The following TCTN3 variants were observed in gnomAD, a reference collection of about 807,000 sequenced individuals.
TCTN3 encodes the protein tectonic-3.
Under a neutral mutation model 71.3 loss-of-function variants are expected in TCTN3, and 57 were observed. The ratio of observed to expected loss-of-function variants is 0.80; its 90% CI spans 0.65 to 1.00. The LOEUF is 1.00. Ranked by LOEUF, TCTN3 falls within the 50% of genes least tolerant of loss-of-function variation. The pLI, the probability that TCTN3 is intolerant of heterozygous loss-of-function variation, is 0.00. For synonymous variants in TCTN3, 258 were observed against 267.8 expected, an observed-to-expected ratio of 0.96 and a Z score of 0.36; for missense variants, 696 against 719.9, an observed-to-expected ratio of 0.97 and a Z score of 0.38.
At chr10:95,681,366 G>A (rs1169808888) in intron 12 of TCTN3, among the ~76,000 whole-genome samples, 3 of 152,178 alleles carry the variant, frequency 2.0e-5, no homozygotes, top group Non-Finnish European at 4.4e-5. Flanking sequence ...GTAAGCCATG[G>A]CACCTGGCTT....
intron 8 of TCTN3, 140 bp downstream of exon 8, chr10:95,685,413 TACA>T (rs1162559058): frequency 8.9e-6 from 5 of 563,218 alleles, no homozygotes; most frequent in Non-Finnish European, 1.5e-5. Flanking sequence ...AATCTACCAA[TACA>T]ACAAGTTTGC....
In TCTN3 at chr10:95,687,024, G is replaced by A. The variant is rs1589617877; in HGVS notation, c.852+20C>T. On this transcript the variant is annotated intron_variant, in intron 6 of 13. Coordinates refer to ENST00000371217, the MANE Select transcript of TCTN3 (RefSeq NM_015631.6). Reference sequence around the variant, plus strand: ...TCAACTTCATAGTAGTGACAGTGTAGGGAGAGAAAGGACACCTACCTTTAA... The same window carrying A: ...TCAACTTCATAGTAGTGACAGTGTAAGGAGAGAAAGGACACCTACCTTTAA... 6.4e-7 allele frequency: 1 copy of A among 1,571,906 alleles called. No homozygotes were observed. Among genetic ancestry groups the A allele is most frequent in the Non-Finnish European group, 8.8e-7 (1 of 1,141,738 alleles).
intron 13 of TCTN3, among the ~76,000 whole-genome samples, chr10:95,665,993 T>C (rs893699326): frequency 3.1e-4 from 47 of 151,358 alleles, no homozygotes; most frequent in Admixed American, 9.9e-4. Context: ...CAGGCTGGAG[T>C]GCAGTGGCGT....
Position 95,663,724 on chromosome 10 carries a change from A to G in TCTN3, c.*343T>C. The G allele has an allele frequency of 9.2e-6, 2 of 218,098 alleles. No homozygotes were observed. Among genetic ancestry groups the G allele is most frequent in the South Asian group, 8.4e-5 (1 of 11,902 alleles). 13.5% of individuals were successfully genotyped at this position (218,098 alleles called of 1,614,324 possible). A position where few individuals can be genotyped will look rare whatever the true frequency, so the allele number is the denominator to read the frequency against. ...TGTTTCTCTCTTTCTGCTTGGCCCA[A>G]CTGTGCCTGAGGGCTGATGGATCCA... is the stretch of plus-strand genomic sequence containing the variant. On this transcript the variant is annotated 3_prime_UTR_variant, in exon 14 of 14. Transcript: ENST00000371217.
intron 6 of TCTN3, 83 bp downstream of exon 6, chr10:95,686,961 T>C: frequency 1.6e-6 from 2 of 1,238,582 alleles, no homozygotes; most frequent in Non-Finnish European, 2.3e-6. Flanking sequence ...TATTCAATGC[T>C]CTTTCCACAA....
chr10:95,672,685 CTT>C (rs766029244), intron 13 of TCTN3, among the ~76,000 whole-genome samples: 6 of 80,402 alleles, frequency 7.5e-5, no homozygotes, highest in Non-Finnish European at 9.6e-5. Context: ...CTGTTCAAAT[CTT>C]TTTTTTTTTT....
Position 95,693,906 on chromosome 10 carries a change from T to G in TCTN3, c.-7A>C, listed in dbSNP as rs934555741. Reference sequence around the variant, plus strand: ...CGAGCTGTGGGGTGCGCATGGGGCATTCAGGGCCTCCGGGTCCGACGTAGG... The same window carrying G: ...CGAGCTGTGGGGTGCGCATGGGGCAGTCAGGGCCTCCGGGTCCGACGTAGG... On this transcript the variant is annotated 5_prime_UTR_variant, in exon 1 of 14. The change abolishes an upstream ATG in the 5' untranslated region. Coordinates refer to ENST00000371217, the MANE Select transcript of TCTN3 (RefSeq NM_015631.6). 6.4e-7 allele frequency: 1 copy of G among 1,551,310 alleles called. No individual in the cohort carries two copies. Among genetic ancestry groups the G allele is most frequent in the African/African-American group, 1.4e-5 (1 of 73,016 alleles).
intron 13 of TCTN3, among the ~76,000 whole-genome samples, chr10:95,679,500 T>G (rs1248170347): frequency 6.6e-6 from 1 of 152,162 alleles, no homozygotes; most frequent in East Asian, 1.9e-4. Context: ...GGTAAGAATT[T>G]AAATCTGTTT....
At chr10:95,672,866 T>C (rs1236598996) in intron 13 of TCTN3, among the ~76,000 whole-genome samples, 3 of 151,874 alleles carry the variant, frequency 2.0e-5, no homozygotes, top group Admixed American at 2.0e-4. Flanking sequence ...CAAATTTTTG[T>C]GTTTTTAGTA....
intron 12 of TCTN3, among the ~76,000 whole-genome samples, chr10:95,681,625 T>C (rs1039111036): frequency 2.0e-5 from 3 of 152,206 alleles, no homozygotes; most frequent in Admixed American, 1.3e-4. Flanking sequence ...GGAGGATTAA[T>C]TGCAAAATGC....
In TCTN3 at chr10:95,693,783, C is replaced by A; in HGVS notation, c.117G>T (p.Gln39His). 6.4e-7 allele frequency: 1 copy of A among 1,551,718 alleles called. No homozygotes were observed. The highest frequency in any genetic ancestry group is 8.7e-7 in the Non-Finnish European group (1 of 1,147,004). The change falls in exon 1 of 14, where the codon CAG becomes CAT. Residue 39 changes from glutamine (Q) to histidine (H), a missense_variant. Physicochemically the swap from Gln to His is conservative, Grantham distance 24. Coordinates refer to ENST00000371217, the MANE Select transcript of TCTN3 (RefSeq NM_015631.6). ...SGAVPTSLEL[Q>H]RGTDGGTLQS... The stretch of plus-strand genomic sequence containing the variant: ...GGAGGGTTCCGCCATCCGTCCCTCG[C>A]TGCAGCTCCAAAGACGTGGGCACTG...
rs11595248 is a variant in TCTN3 at position 95,680,402 on chromosome 10, G to A, written c.1590+70C>T. On this transcript the variant is annotated intron_variant, in intron 13 of 13. Transcript: ENST00000371217. ...CTCTTGGAAGGTAAAAAATTATTTGGTTAACAAATGACTGATAAGACAATC... is the reference window on the plus strand; with the variant it reads ...CTCTTGGAAGGTAAAAAATTATTTGATTAACAAATGACTGATAAGACAATC... 176,648 of 1,502,856 alleles carry A rather than the reference G, an allele frequency of 0.12. 11,058 individuals are homozygous for A. The highest frequency in any genetic ancestry group is 0.17 in the Middle Eastern group (920 of 5,508). The allele number at this position is 1,502,856 out of a possible 1,614,324, so 93.1% of individuals were successfully genotyped here.
At chr10:95,693,582 C>G in intron 1 of TCTN3, 62 bp downstream of exon 1, 1 of 1,546,802 alleles carries the variant, frequency 6.5e-7, no homozygotes, top group African/African-American at 1.4e-5. Context: ...GGCAGCTCAA[C>G]TTTGCTCACA....
chr10:95,693,178 C>A (rs985410399), intron 2 of TCTN3, 140 bp from the exon 3 acceptor site: 64 of 1,232,286 alleles, frequency 5.2e-5, no homozygotes, highest in Non-Finnish European at 6.8e-5. Flanking sequence ...TCTTATTCTA[C>A]TGGCCAGCCC....
Position 95,684,586 on chromosome 10 carries a change from G to C in TCTN3, c.1008C>G (p.Ile336Met), listed in dbSNP as rs747888353. 1 of 1,613,994 alleles carries C rather than the reference G, an allele frequency of 6.2e-7. No homozygotes were observed. The highest frequency in any genetic ancestry group is 1.7e-5 in the Admixed American group (1 of 60,006). The change falls in exon 9 of 14, where the codon ATC becomes ATG. Residue 336 changes from isoleucine to methionine, a missense_variant. Physicochemically the swap from Ile to Met is conservative, Grantham distance 10. Coordinates refer to ENST00000371217, the MANE Select transcript of TCTN3 (RefSeq NM_015631.6). ...GTCCCAAACTGACAGAAACTTTCTGGATTCCAAAAGTCCCATTGGTCTCTA... is the reference window on the plus strand; with the variant it reads ...GTCCCAAACTGACAGAAACTTTCTGCATTCCAAAAGTCCCATTGGTCTCTA... ...YEIETNGTFG[I>M]QKVSVSLGQT...
At chr10:95,684,727 G>A in intron 8 of TCTN3, 103 bp from the exon 9 acceptor site, 2 of 1,274,594 alleles carry the variant, frequency 1.6e-6, no homozygotes, top group Non-Finnish European at 2.1e-6. Flanking sequence ...AACTAAATGA[G>A]GCAGACTGAA....
rs1254012662 is a variant in TCTN3, at chr10:95,685,654, C to G, written c.889-18G>C. ...ACCTGGAACTAGCAACGAAAAGAAG[C>G]AAATTAACTAAAACTGAAGGCGGTA... On this transcript the variant is annotated intron_variant, in intron 7 of 13. Transcript: ENST00000371217. 22 of 1,538,636 alleles carry G rather than the reference C, an allele frequency of 1.4e-5. No individual in the cohort carries two copies. Among genetic ancestry groups the G allele is most frequent in the African/African-American group, 2.8e-5 (2 of 72,700 alleles).
chr10:95,680,283 C>T (rs989728750), intron 13 of TCTN3, among the ~76,000 whole-genome samples, 189 bp downstream of exon 13: 1 of 145,506 alleles, frequency 6.9e-6, no homozygotes, highest in African/African-American at 2.6e-5. Context: ...GTATTCATGA[C>T]ATCATGTTAA....
At chr10:95,685,524 A>G (rs2097947437) in intron 8 of TCTN3, 32 bp downstream of exon 8, 2 of 1,514,854 alleles carry the variant, frequency 1.3e-6, no homozygotes, top group Non-Finnish European at 9.0e-7. Flanking sequence ...ATTAACACAC[A>G]TCAGTCCAGA....
Sources: gnomAD v4.1 joint callset for allele counts (sites outside exome capture counted in the v4.1 genomes callset) on GRCh38, gnomAD v4.1.1 for gene constraint, MANE v1.5 for transcripts, NCBI Gene and HGNC (gene_info 2026-07-23, HGNC 2026-07-21) for gene names.